Variants in FMNL2 observed in about 807,000 individuals in gnomAD.
FMNL2 encodes the protein formin-like protein 2.
Under a neutral mutation model 130.2 loss-of-function variants are expected in FMNL2, and 51 were observed. That is an observed-to-expected ratio of 0.39 (90% CI 0.31 to 0.49). The LOEUF is 0.49. FMNL2 is among the 20% of genes least tolerant of loss of function. The pLI is 0.85. For missense variants in FMNL2, 977 were observed against 1,316.2 expected, an observed-to-expected ratio of 0.74 and a Z score of 3.99; for synonymous variants, 465 against 467.1, an observed-to-expected ratio of 1.00 and a Z score of 0.06.
intron 10 of FMNL2, among the ~76,000 whole-genome samples, chr2:152,610,074 G>C (rs1476110338): frequency 1.3e-5 from 2 of 152,152 alleles, no homozygotes; most frequent in African/African-American, 4.8e-5. Flanking sequence ...CAGGCTTTTA[G>C]GGAATGCAAA....
At chr2:152,543,663 A>T (rs1694442053) in intron 3 of FMNL2, among the ~76,000 whole-genome samples, 1 of 147,924 alleles carries the variant, frequency 6.8e-6, no homozygotes, top group Admixed American at 6.8e-5. Context: ...TGCTTGCATT[A>T]AAAAAAAAAT....
At chr2:152,636,693 T>C (rs1272058351) in intron 22 of FMNL2, 103 bp downstream of exon 22, 35 of 1,324,094 alleles carry the variant, frequency 2.6e-5, no homozygotes, top group Middle Eastern at 2.7e-4. Context: ...TTCCCTCTGT[T>C]TGTGGAGGGT....
intron 1 of FMNL2, among the ~76,000 whole-genome samples, chr2:152,491,283 G>C (rs892930613): frequency 6.6e-6 from 1 of 152,168 alleles, no homozygotes; most frequent in African/African-American, 2.4e-5. Flanking sequence ...GAGGAGTGAG[G>C]TCTTGCTACA....
intron 1 of FMNL2, among the ~76,000 whole-genome samples, chr2:152,363,003 G>A (rs1396717314): frequency 6.6e-6 from 1 of 152,208 alleles, no homozygotes; most frequent in Non-Finnish European, 1.5e-5. Context: ...TAGAGGGAAA[G>A]TAGATTAGTG....
chr2:152,435,504 G>A (rs1411331468), intron 1 of FMNL2, among the ~76,000 whole-genome samples: 2 of 151,796 alleles, frequency 1.3e-5, no homozygotes, highest in Non-Finnish European at 2.9e-5. Context: ...CATTACTTAT[G>A]AGATGGCTTT....
chr2:152,394,962 T>C (rs2345874), intron 1 of FMNL2, among the ~76,000 whole-genome samples: 125,673 of 152,126 alleles, frequency 0.83, 52,182 homozygotes, highest in East Asian at 0.94. Flanking sequence ...TTTGTCTGCT[T>C]CCAATTCAGT....
intron 1 of FMNL2, among the ~76,000 whole-genome samples, chr2:152,389,132 A>G (rs1435069480): frequency 6.6e-6 from 1 of 151,856 alleles, no homozygotes; most frequent in African/African-American, 2.4e-5. Flanking sequence ...AGCCTAACAC[A>G]GTGTTAGGGT....
chr2:152,396,689 T>C (rs1685413746), intron 1 of FMNL2, among the ~76,000 whole-genome samples: 1 of 152,182 alleles, frequency 6.6e-6, no homozygotes, highest in African/African-American at 2.4e-5. Context: ...GCTTTAACTC[T>C]CCCCTCTCTC....
At chr2:152,494,326 T>C (rs1289249127) in intron 1 of FMNL2, among the ~76,000 whole-genome samples, 2 of 152,238 alleles carry the variant, frequency 1.3e-5, no homozygotes, top group East Asian at 3.8e-4. Context: ...ATAACACATA[T>C]CTTTTCAGTA....
At position 152,364,269 on chromosome 2, in the gene FMNL2, T is replaced by G. The variant is rs1467703459; in HGVS notation, c.117+28549T>G. ...CGTTAGGAGGTTTGTGTGTTTTTTT[T>G]TTTTTTTTTTTTTTTTTTTTTTTAC... On this transcript the variant is annotated intron_variant, in intron 1 of 25. Coordinates refer to ENST00000288670, the MANE Select transcript of FMNL2 (RefSeq NM_052905.4). Among the ~76,000 whole-genome samples the G allele has an allele frequency of 1.6e-3, 231 of 145,718 alleles. 9 individuals carry two copies. The South Asian group carries it at 0.045, about 28-fold the overall frequency.
chr2:152,643,390 G>T, intron 25 of FMNL2: 1 of 1,535,340 alleles, frequency 6.5e-7, no homozygotes, highest in South Asian at 1.2e-5. Context: ...TCTTCTGTTT[G>T]TGTTGTTTGG....
intron 3 of FMNL2, among the ~76,000 whole-genome samples, chr2:152,546,793 G>C (rs1170174122): frequency 6.6e-6 from 1 of 151,960 alleles, no homozygotes; most frequent in Non-Finnish European, 1.5e-5. Context: ...AGAATTTTTT[G>C]TCTCCTTTCT....
chr2:152,648,075 T>C lies in FMNL2; in HGVS notation c.*170T>C. On this transcript the variant is annotated 3_prime_UTR_variant, in exon 26 of 26. Transcript: ENST00000288670. The stretch of plus-strand genomic sequence containing the variant: ...AAATGAGCTCTCCTTTCAACCCTTG[T>C]TAACAAGTGCCTAAAAATGGAAGTA... 1 of 591,152 alleles carries C rather than the reference T, an allele frequency of 1.7e-6. No individual in the cohort carries two copies. Among genetic ancestry groups the C allele is most frequent in the Non-Finnish European group, 2.9e-6 (1 of 341,208 alleles). 36.6% of individuals were successfully genotyped at this position (591,152 alleles called of 1,614,324 possible).
rs182133726 is a variant in FMNL2, at chr2:152,495,625, T to C, written c.118-26318T>C. On this transcript the variant is annotated intron_variant, in intron 1 of 25. Coordinates refer to ENST00000288670, the MANE Select transcript of FMNL2 (RefSeq NM_052905.4). ...GAGATCGTGCCATTGCACACCAGCC[T>C]AGGTGACAGAGTGAGACTCCGTCTC... 9.5e-5 allele frequency among the ~76,000 whole-genome samples: 11 copies of C among 115,684 alleles called. No individual in the cohort carries two copies. The East Asian group carries it at 2.5e-3, about 27-fold the overall frequency. 75.9% of individuals were successfully genotyped at this position (115,684 alleles called of 152,430 possible).
intron 6 of FMNL2, among the ~76,000 whole-genome samples, chr2:152,562,797 A>C (rs548173104): frequency 6.6e-6 from 1 of 152,322 alleles, no homozygotes; most frequent in East Asian, 1.9e-4. Flanking sequence ...ATTCAGGATG[A>C]ATTTCCTGAT....
intron 1 of FMNL2, chr2:152,390,520 A>C: frequency 6.5e-7 from 1 of 1,546,832 alleles, no homozygotes; most frequent in Non-Finnish European, 8.9e-7. Flanking sequence ...ATGTATGACC[A>C]GAGACAGAAG....
Position 152,636,603 on chromosome 2 carries a change from G to A in FMNL2, c.2844+13G>A, listed in dbSNP as rs770848080. 9.0e-6 allele frequency: 14 copies of A among 1,552,814 alleles called. No homozygotes were observed. The South Asian group carries it at 1.7e-4, about 18-fold the overall frequency. On this transcript the variant is annotated intron_variant, in intron 22 of 25. Coordinates refer to ENST00000288670, the MANE Select transcript of FMNL2 (RefSeq NM_052905.4). ...CAAGATCGCACAGGCAAGTATTGGT[G>A]CCCCTGAAACCTGTGAAGAGGCTGC...
intron 1 of FMNL2, among the ~76,000 whole-genome samples, chr2:152,387,089 T>G (rs1470580114): frequency 6.6e-6 from 1 of 152,156 alleles, no homozygotes; most frequent in Admixed American, 6.5e-5. Flanking sequence ...ATTAAACCAT[T>G]CCTGGGAAGT....
At chr2:152,446,528 A>G (rs1688346397) in intron 1 of FMNL2, among the ~76,000 whole-genome samples, 2 of 152,326 alleles carry the variant, frequency 1.3e-5, no homozygotes, top group South Asian at 2.1e-4. Context: ...AATAGGTTAA[A>G]AAAAAAGCAT....
Sources: allele counts gnomAD v4.1 joint callset (sites outside exome capture counted in the v4.1 genomes callset), GRCh38; gene constraint gnomAD v4.1.1; transcripts MANE v1.5; gene names NCBI Gene and HGNC (gene_info 2026-07-23, HGNC 2026-07-21).